Variants in GNB4 observed in about 807,000 individuals in gnomAD.
GNB4 encodes the protein guanine nucleotide-binding protein subunit beta-4.
In GNB4, 28 loss-of-function variants were observed where a neutral mutation model predicts 45.2. The observed-to-expected ratio is 0.62, with a 90% CI of 0.46 to 0.85. GNB4 has a LOEUF of 0.85. GNB4 is among the 40% of genes least tolerant of loss of function. The pLI is 0.00. For synonymous variants in GNB4, 132 were observed against 143.7 expected (o/e 0.92, Z 0.58); for missense variants, 321 against 425.4 (o/e 0.75, Z 2.16).
chr3:179,485,094 T>C, the GNB4 span, among the ~76,000 whole-genome samples: 1 of 142,336 alleles, frequency 7.0e-6, no homozygotes, highest in Non-Finnish European at 1.5e-5. Context: ...CACTGCAAGC[T>C]CCGCCTCCCA....
At chr3:179,511,873 A>G in the GNB4 span, among the ~76,000 whole-genome samples, 1 of 152,168 alleles carries the variant, frequency 6.6e-6, no homozygotes, top group African/African-American at 2.4e-5. Flanking sequence ...ATTTTTCATG[A>G]AAATAGAAAG....
At chr3:179,426,018 G>A (rs533821461) in intron 2 of GNB4, 126 bp downstream of exon 2, 4 of 705,592 alleles carry the variant, frequency 5.7e-6, no homozygotes, top group Non-Finnish European at 9.5e-6. Context: ...ACTTCGCCAT[G>A]TGAGAGAAAA....
At chr3:179,434,378 T>C (rs1329033182) in intron 1 of GNB4, among the ~76,000 whole-genome samples, 1 of 152,084 alleles carries the variant, frequency 6.6e-6, no homozygotes, top group Non-Finnish European at 1.5e-5. Flanking sequence ...TCATATCCCT[T>C]TTATAAAACT....
At chr3:179,469,653 T>C in the GNB4 span, among the ~76,000 whole-genome samples, 1 of 152,142 alleles carries the variant, frequency 6.6e-6, no homozygotes, top group Non-Finnish European at 1.5e-5. Context: ...TATAAGCACA[T>C]TAAAGCTTGA....
At chr3:179,422,048 A>T (rs1474346825) in intron 2 of GNB4, among the ~76,000 whole-genome samples, 1 of 152,120 alleles carries the variant, frequency 6.6e-6, no homozygotes, top group Non-Finnish European at 1.5e-5. Context: ...GTTAGTTGTT[A>T]AAAAAACTGG....
the GNB4 span, among the ~76,000 whole-genome samples, chr3:179,461,291 A>G: frequency 6.6e-6 from 1 of 152,062 alleles, no homozygotes; most frequent in African/African-American, 2.4e-5. Context: ...AGGTCAGGAG[A>G]TCGAGACCAT....
intron 1 of GNB4, among the ~76,000 whole-genome samples, chr3:179,440,993 C>G (rs1048229312): frequency 6.6e-6 from 1 of 151,878 alleles, no homozygotes; most frequent in African/African-American, 2.4e-5. Context: ...CTGCATTGTT[C>G]CTATTATTTT....
At chr3:179,426,813 T>C (rs1385366137) in intron 1 of GNB4, among the ~76,000 whole-genome samples, 1 of 152,210 alleles carries the variant, frequency 6.6e-6, no homozygotes, top group Admixed American at 6.5e-5. Flanking sequence ...TGGGTCCACA[T>C]CACCATGACC....
intron 2 of GNB4, among the ~76,000 whole-genome samples, chr3:179,425,910 TC>T (rs2108602826): frequency 1.3e-5 from 2 of 152,382 alleles, no homozygotes; most frequent in African/African-American, 4.8e-5. Flanking sequence ...ATTATGTCTG[TC>T]TTTCATAGAG....
rs751968234 is a variant in GNB4, at chr3:179,415,066, A to G, written c.268-19T>C. On this transcript the variant is annotated intron_variant, in intron 5 of 9. Coordinates refer to ENST00000232564, the MANE Select transcript of GNB4 (RefSeq NM_021629.4). Reference sequence around the variant, plus strand: ...CATGCATCTGTAGGGCACACACCACACATCACTCAGATTACAAAAACAGTC... The same window carrying G: ...CATGCATCTGTAGGGCACACACCACGCATCACTCAGATTACAAAAACAGTC... 1.3e-6 allele frequency: 2 copies of G among 1,526,942 alleles called. No individual in the cohort carries two copies. The highest frequency in any genetic ancestry group is 1.8e-6 in the Non-Finnish European group (2 of 1,122,598). The allele number at this position is 1,526,942 out of a possible 1,614,324, so 94.6% of individuals were successfully genotyped here. A position where few individuals can be genotyped will look rare whatever the true frequency, so the allele number is the denominator to read the frequency against.
chr3:179,471,776 G>A, the GNB4 span, among the ~76,000 whole-genome samples: 3 of 152,222 alleles, frequency 2.0e-5, no homozygotes, highest in African/African-American at 7.2e-5. Context: ...GGATGCGCAT[G>A]TAAAAATATA....
intron 4 of GNB4, 21 bp from the exon 5 acceptor site, chr3:179,416,577 A>G: frequency 6.6e-7 from 1 of 1,513,178 alleles, no homozygotes; most frequent in South Asian, 1.2e-5. Context: ...AAACACAAAA[A>G]TAATTTGACA....
the GNB4 span, among the ~76,000 whole-genome samples, chr3:179,517,957 G>T: frequency 6.6e-6 from 1 of 151,966 alleles, no homozygotes; most frequent in Non-Finnish European, 1.5e-5. Context: ...TTTCTGGGGG[G>T]CAAGAACCCT....
chr3:179,478,505 T>C, the GNB4 span, among the ~76,000 whole-genome samples: 2 of 151,878 alleles, frequency 1.3e-5, no homozygotes, highest in Non-Finnish European at 2.9e-5. Flanking sequence ...GGTTTTGCTG[T>C]TGTTGTTTGT....
At chr3:179,493,476 C>T in the GNB4 span, among the ~76,000 whole-genome samples, 1 of 148,042 alleles carries the variant, frequency 6.8e-6, no homozygotes, top group Non-Finnish European at 1.5e-5. Flanking sequence ...CTTGATCAAA[C>T]AGAAGAATCT....
intron 9 of GNB4, among the ~76,000 whole-genome samples, chr3:179,403,320 AAC>A (rs1714361402): frequency 1.3e-5 from 2 of 152,092 alleles, no homozygotes; most frequent in African/African-American, 4.8e-5. Context: ...AAAACTTGGA[AAC>A]ACAAAAGATG....
the GNB4 span, among the ~76,000 whole-genome samples, chr3:179,488,999 A>AT: frequency 7.5e-3 from 229 of 30,476 alleles, 9 homozygotes; most frequent in South Asian, 0.011. Flanking sequence ...AAAAAAAAAA[A>AT]AAAAAAAAAA....
chr3:179,460,644 C>T, the GNB4 span, among the ~76,000 whole-genome samples: 2 of 150,776 alleles, frequency 1.3e-5, no homozygotes, highest in African/African-American at 4.9e-5. Flanking sequence ...TTAACTTTGC[C>T]TTTTTGCATA....
chr3:179,409,040 C>T (rs1714563737), intron 8 of GNB4, among the ~76,000 whole-genome samples: 1 of 149,198 alleles, frequency 6.7e-6, no homozygotes, highest in African/African-American at 2.5e-5. Context: ...CCTGTATACC[C>T]AGCTACTTGG....
Sources: gnomAD v4.1 joint callset for allele counts (sites outside exome capture counted in the v4.1 genomes callset) on GRCh38, gnomAD v4.1.1 for gene constraint, MANE v1.5 for transcripts, NCBI Gene and HGNC (gene_info 2026-07-23, HGNC 2026-07-21) for gene names.